Variants in ANXA8 observed in about 807,000 individuals in gnomAD.
ANXA8 encodes VAC-beta.
A neutral mutation model predicts 26.8 loss-of-function variants in ANXA8; 9 were observed. The observed-to-expected ratio is 0.34, with a 90% confidence interval of 0.20 to 0.59. ANXA8 has a LOEUF of 0.59. Ranked by LOEUF, ANXA8 falls within the 20% of genes least tolerant of loss-of-function variation. ANXA8 has a pLI of 0.84. For missense variants in ANXA8, 83 were observed against 238.5 expected, an observed-to-expected ratio of 0.35 and a Z score of 4.29; for synonymous variants, 39 against 94.8, an observed-to-expected ratio of 0.41 and a Z score of 3.42.
chr10:47,978,127 TC>T, the ANXA8 span, among the ~76,000 whole-genome samples: 2 of 152,070 alleles, frequency 1.3e-5, no homozygotes, highest in African/African-American at 4.8e-5. Context: ...TGACTTCTTA[TC>T]AAAACCATTC....
the ANXA8 span, chr10:47,564,976 C>G: frequency 8.7e-7 from 1 of 1,155,254 alleles, no homozygotes; most frequent in South Asian, 1.2e-5. Context: ...AGCTGTCCAG[C>G]TGCCAAGTCA....
At chr10:47,492,176 G>T in the ANXA8 span, among the ~76,000 whole-genome samples, 5 of 151,142 alleles carry the variant, frequency 3.3e-5, no homozygotes, top group Admixed American at 3.3e-4. Context: ...GAATGAGGGT[G>T]ACTGCCCTCC....
chr10:47,681,564 C>T, the ANXA8 span, among the ~76,000 whole-genome samples: 3 of 106,448 alleles, frequency 2.8e-5, no homozygotes, highest in African/African-American at 1.1e-4. Flanking sequence ...CAGTGTCTCA[C>T]TCTGTCATCC....
At chr10:47,626,057 T>A in the ANXA8 span, among the ~76,000 whole-genome samples, 1 of 150,440 alleles carries the variant, frequency 6.6e-6, no homozygotes, top group Non-Finnish European at 1.5e-5. Context: ...CTTCCCTTTT[T>A]AAAGCCCATT....
the ANXA8 span, among the ~76,000 whole-genome samples, chr10:47,576,607 C>T: frequency 1.3e-5 from 2 of 151,546 alleles, no homozygotes; most frequent in African/African-American, 4.9e-5. Flanking sequence ...GGGACTATAG[C>T]ACCAGCTATA....
chr10:47,729,774 G>A, the ANXA8 span, among the ~76,000 whole-genome samples: 1 of 143,142 alleles, frequency 7.0e-6, no homozygotes, highest in Non-Finnish European at 1.5e-5. Flanking sequence ...TCAATAGCTT[G>A]TAACTAGAAA....
chr10:47,556,516 C>A, the ANXA8 span, among the ~76,000 whole-genome samples: 24,349 of 151,364 alleles, frequency 0.16, 2,469 homozygotes, highest in East Asian at 0.52. Flanking sequence ...AAGAATCTAC[C>A]AAAAAAATTA....
At chr10:47,952,194 T>C in the ANXA8 span, among the ~76,000 whole-genome samples, 3 of 151,694 alleles carry the variant, frequency 2.0e-5, no homozygotes, top group African/African-American at 7.3e-5. Context: ...ACATAATGTT[T>C]TCCTCCTCAG....
At chr10:47,647,500 G>T in the ANXA8 span, among the ~76,000 whole-genome samples, 1 of 149,804 alleles carries the variant, frequency 6.7e-6, no homozygotes, top group Non-Finnish European at 1.5e-5. Flanking sequence ...TTCACACAAG[G>T]AATAAATTGG....
chr10:47,957,100 TATA>T, the ANXA8 span, among the ~76,000 whole-genome samples: 2 of 150,306 alleles, frequency 1.3e-5, no homozygotes, highest in Non-Finnish European at 2.9e-5. Context: ...TTTGATTGGG[TATA>T]ATCATGCTCA....
the ANXA8 span, chr10:47,565,547 A>G: frequency 6.0e-6 from 2 of 334,522 alleles, no homozygotes; most frequent in African/African-American, 4.5e-5. Flanking sequence ...AGTCGGGGCC[A>G]TGCTGGGCCT....
At chr10:47,944,067 G>T in the ANXA8 span, among the ~76,000 whole-genome samples, 4 of 147,222 alleles carry the variant, frequency 2.7e-5, 1 homozygote, top group African/African-American at 1.0e-4. Flanking sequence ...CATACACCAC[G>T]TGGCACGTGG....
At chr10:47,624,364 A>G in the ANXA8 span, among the ~76,000 whole-genome samples, 3 of 125,068 alleles carry the variant, frequency 2.4e-5, no homozygotes, top group South Asian at 8.0e-4. Flanking sequence ...ATGATACTTC[A>G]AAAGGTTCAA....
the ANXA8 span, among the ~76,000 whole-genome samples, chr10:47,990,888 G>A: frequency 6.7e-6 from 1 of 149,800 alleles, no homozygotes; most frequent in Admixed American, 6.6e-5. Context: ...CTCAACCATA[G>A]ACAGAAAGCT....
chr10:47,617,816 CA>C, the ANXA8 span, among the ~76,000 whole-genome samples: 1 of 144,036 alleles, frequency 6.9e-6, no homozygotes, highest in Non-Finnish European at 1.5e-5. Flanking sequence ...ATCCTGTCTG[CA>C]GTGACTATTT....
At chr10:47,700,850 G>A in the ANXA8 span, among the ~76,000 whole-genome samples, 1 of 148,810 alleles carries the variant, frequency 6.7e-6, no homozygotes, top group Non-Finnish European at 1.5e-5. Flanking sequence ...GGAAAGCTGA[G>A]GTGGGAGAAT....
the ANXA8 span, among the ~76,000 whole-genome samples, chr10:47,664,245 G>T: frequency 6.6e-6 from 1 of 151,990 alleles, no homozygotes; most frequent in African/African-American, 2.4e-5. Context: ...GGGCGTGGTG[G>T]CGGGTGCCTG....
chr10:47,932,264 C>T, the ANXA8 span, among the ~76,000 whole-genome samples: 2 of 151,098 alleles, frequency 1.3e-5, no homozygotes, highest in Non-Finnish European at 3.0e-5. Flanking sequence ...GCCTGTAACG[C>T]TTTGTTGTGG....
the ANXA8 span, among the ~76,000 whole-genome samples, chr10:47,777,015 A>G: frequency 1.3e-4 from 20 of 151,880 alleles, no homozygotes; most frequent in Non-Finnish European, 2.9e-4. Flanking sequence ...ACCTCTCCCT[A>G]CTTCAATGCT....
Sources: allele counts gnomAD v4.1 joint callset (sites outside exome capture counted in the v4.1 genomes callset), GRCh38; gene constraint gnomAD v4.1.1; transcripts MANE v1.5; gene names NCBI Gene and HGNC (gene_info 2026-07-23, HGNC 2026-07-21).